JPH1: variants seen among roughly 807,000 people sequenced by gnomAD.
The protein encoded by JPH1 is junctophilin-1.
JPH1 carries 12 observed loss-of-function variants against 53.6 expected under a neutral mutation model. The ratio of observed to expected loss-of-function variants is 0.22; its 90% CI spans 0.14 to 0.36. JPH1 has a LOEUF of 0.36. Among genes scored for constraint, JPH1 ranks in the 10% least tolerant of loss-of-function variants. JPH1 has a pLI of 1.00. For missense variants in JPH1, 808 were observed against 905.5 expected, an observed-to-expected ratio of 0.89 and a Z score of 1.38; for synonymous variants, 375 against 363.8, an observed-to-expected ratio of 1.03 and a Z score of -0.35.
chr8:74,308,896 A>G (rs1807910523), intron 2 of JPH1, among the ~76,000 whole-genome samples: 1 of 152,182 alleles, frequency 6.6e-6, no homozygotes, highest in Admixed American at 6.5e-5. Flanking sequence ...AGTATGGGGG[A>G]GGAGGGGAGA....
At chr8:74,260,938 G>A (rs554866745) in intron 2 of JPH1, among the ~76,000 whole-genome samples, 2 of 152,242 alleles carry the variant, frequency 1.3e-5, no homozygotes, top group South Asian at 2.1e-4. Context: ...AGTGCAGAAC[G>A]CTACATTGGC....
intron 2 of JPH1, among the ~76,000 whole-genome samples, chr8:74,289,166 T>C (rs967634471): frequency 2.0e-5 from 3 of 152,220 alleles, no homozygotes; most frequent in African/African-American, 7.2e-5. Context: ...GGACGTTTTC[T>C]ATAGAAACCT....
At chr8:74,296,019 G>GAC (rs59881666) in intron 2 of JPH1, among the ~76,000 whole-genome samples, 1,872 of 136,586 alleles carry the variant, frequency 0.014, 60 homozygotes, top group East Asian at 0.05. Context: ...TCTCAGTAAG[G>GAC]ACACACACAC....
At chr8:74,241,085 C>T (rs1304520270) in intron 4 of JPH1, among the ~76,000 whole-genome samples, 1 of 152,084 alleles carries the variant, frequency 6.6e-6, no homozygotes, top group African/African-American at 2.4e-5. Context: ...CACACACACA[C>T]ATATTTCTCC....
chr8:74,315,848 T>G lies in JPH1; in HGVS notation c.380-228A>C, dbSNP rs2131466920. On this transcript the variant is annotated intron_variant, in intron 1 of 5. Coordinates refer to ENST00000342232, the MANE Select transcript of JPH1 (RefSeq NM_020647.4). This position sits in a 1 kb window ranked among gnomAD's most constrained non-coding sequence, Gnocchi z 6.3. The stretch of plus-strand genomic sequence containing the variant: ...TTCTAGTAGTCAGATAATTTTTGCT[T>G]TTCATTAAAATTTTATGCAAGTATT... Among the ~76,000 whole-genome samples the G allele has an allele frequency of 6.6e-6, 1 of 152,356 alleles. No homozygotes were observed. Among genetic ancestry groups the G allele is most frequent in the East Asian group, 1.9e-4 (1 of 5,190 alleles).
chr8:74,320,579 C>T lies in JPH1; in HGVS notation c.379+330G>A, dbSNP rs1437434237. Reference sequence around the variant, plus strand: ...ATGTGACGGGCTCAAGTGACAGCGTCCTCTCTCCAGCCCAACCCTCCCGGG... The same window carrying T: ...ATGTGACGGGCTCAAGTGACAGCGTTCTCTCTCCAGCCCAACCCTCCCGGG... On this transcript the variant is annotated intron_variant, in intron 1 of 5. Transcript: ENST00000342232. This position sits in a 1 kb window ranked among gnomAD's most constrained non-coding sequence, Gnocchi z 4.4. 6.6e-6 allele frequency among the ~76,000 whole-genome samples: 1 copy of T among 152,136 alleles called. No individual in the cohort carries two copies. Among genetic ancestry groups the T allele is most frequent in the Non-Finnish European group, 1.5e-5 (1 of 68,000 alleles).
In JPH1 at chr8:74,315,394, C is replaced by G; in HGVS notation, c.606G>C (p.Glu202Asp). ...GGCCGCCCTTCTTCTTGCCCGCTAG[C>G]TCAGCGTCTGCGTGGAAGTTGAGCA... ...GFVLNFHADA[E>D]LAGKKKGGLF... Residue 202 changes from glutamate (E) to aspartate (D), a missense_variant, in exon 2 of 6, where the codon GAG (glutamate) becomes GAC (aspartate). Physicochemically the swap from Glu to Asp is conservative, Grantham distance 45. This residue lies in a region of JPH1 where 756 missense variants were observed against 811.9 expected (regional missense o/e 0.93). Coordinates refer to ENST00000342232, the MANE Select transcript of JPH1 (RefSeq NM_020647.4). This position sits in a 1 kb window ranked among gnomAD's most constrained non-coding sequence, Gnocchi z 6.3. The G allele has an allele frequency of 6.2e-7, 1 of 1,612,590 alleles. No homozygotes were observed. Among genetic ancestry groups the G allele is most frequent in the Non-Finnish European group, 8.5e-7 (1 of 1,179,966 alleles).
At position 74,235,585 on chromosome 8, in the gene JPH1, A is replaced by C. The variant is rs955077110; in HGVS notation, c.*1466T>G. 2 of 152,594 alleles carry C rather than the reference A, an allele frequency of 1.3e-5. No individual in the cohort carries two copies. The highest frequency in any genetic ancestry group is 2.9e-5 in the Non-Finnish European group (2 of 68,028). The allele number at this position is 152,594 out of a possible 1,614,324, so 9.5% of individuals were successfully genotyped here. ...CCCTCTGCAATGTAATGTTTTATAA[A>C]GATTTAATAGATTAGATAGATATCT... On this transcript the variant is annotated 3_prime_UTR_variant, in exon 6 of 6. Transcript: ENST00000342232.
At chr8:74,280,692 A>G (rs1289321342) in intron 2 of JPH1, among the ~76,000 whole-genome samples, 4 of 152,202 alleles carry the variant, frequency 2.6e-5, no homozygotes, top group Admixed American at 6.5e-5. Flanking sequence ...TTAGAGTTAA[A>G]TTTAACATCA....
intron 2 of JPH1, among the ~76,000 whole-genome samples, chr8:74,307,388 A>G (rs1191318220): frequency 1.3e-5 from 2 of 152,266 alleles, no homozygotes; most frequent in East Asian, 1.9e-4. Context: ...CCTGTTCACC[A>G]TAACTTTTCT....
intron 2 of JPH1, among the ~76,000 whole-genome samples, chr8:74,302,716 G>C (rs943595739): frequency 6.6e-6 from 1 of 152,144 alleles, no homozygotes; most frequent in Non-Finnish European, 1.5e-5. Context: ...GGTCATAGGT[G>C]CCTCTCAGTG....
chr8:74,286,354 G>T (rs1471271259), intron 2 of JPH1, among the ~76,000 whole-genome samples: 2 of 152,114 alleles, frequency 1.3e-5, no homozygotes, highest in East Asian at 3.8e-4. Flanking sequence ...TGTATACATT[G>T]CATGATGATC....
intron 2 of JPH1, among the ~76,000 whole-genome samples, chr8:74,270,998 G>A (rs1477922492): frequency 1.3e-5 from 2 of 152,132 alleles, no homozygotes. Context: ...ATTCCTTAGT[G>A]ACAGATGCAA....
At chr8:74,271,925 A>G (rs1248326379) in intron 2 of JPH1, among the ~76,000 whole-genome samples, 1 of 152,194 alleles carries the variant, frequency 6.6e-6, no homozygotes, top group African/African-American at 2.4e-5. Context: ...GGAAAACGGC[A>G]TTTGTTCCAC....
intron 3 of JPH1, among the ~76,000 whole-genome samples, chr8:74,248,059 T>C (rs1805913183): frequency 6.6e-6 from 1 of 152,216 alleles, no homozygotes; most frequent in African/African-American, 2.4e-5. Context: ...TCTCAAATAC[T>C]GGTCTAATCA....
chr8:74,245,164 C>T lies in JPH1; in HGVS notation c.1270G>A (p.Val424Ile), dbSNP rs148006340. The T allele has an allele frequency of 2.3e-4, 364 of 1,572,266 alleles. No homozygotes were observed. The highest frequency in any genetic ancestry group is 5.2e-4 in the Middle Eastern group (3 of 5,802). The stretch of plus-strand genomic sequence containing the variant: ...ACACCTTCCTGAAATCTCTGTTTGA[C>T]GTAATCAGGGCCTGGCCAAAAAAAA... Reference protein sequence around the residue: ...PDFYQPGPDYVKQRFQEGVDA... With the variant: ...PDFYQPGPDYIKQRFQEGVDA... Residue 424 changes from valine to isoleucine, a missense_variant, in exon 4 of 6, where the codon GTC becomes ATC. Val to Ile is a conservative substitution (Grantham distance 29). Around this residue, in one of 2 missense-constraint regions of JPH1, gnomAD observed 756 missense variants for 811.9 expected, o/e 0.93. Coordinates refer to ENST00000342232, the MANE Select transcript of JPH1 (RefSeq NM_020647.4).
chr8:74,265,975 G>A (rs776868717), intron 2 of JPH1, among the ~76,000 whole-genome samples: 3 of 151,252 alleles, frequency 2.0e-5, no homozygotes, highest in Non-Finnish European at 2.9e-5. Flanking sequence ...AATAACAAGC[G>A]TTAGCAAGGA....
intron 1 of JPH1, among the ~76,000 whole-genome samples, chr8:74,319,600 A>G (rs576002272): frequency 1.1e-3 from 163 of 152,338 alleles, no homozygotes; most frequent in African/African-American, 3.7e-3. Flanking sequence ...AAGTTCTACC[A>G]TTCTGCCATT....
chr8:74,320,000 T>C (rs1359421381), intron 1 of JPH1, among the ~76,000 whole-genome samples: 1 of 152,222 alleles, frequency 6.6e-6, no homozygotes, highest in East Asian at 1.9e-4. Context: ...AATATTAAAA[T>C]AAGGTGATCT....
Sources: gnomAD v4.1 joint callset for allele counts (sites outside exome capture counted in the v4.1 genomes callset) on GRCh38, gnomAD v4.1.1 for gene constraint, gnomAD v4.1.1 regional missense constraint, Gnocchi (gnomAD v3.1) non-coding constraint, MANE v1.5 for transcripts, NCBI Gene and HGNC (gene_info 2026-07-23, HGNC 2026-07-21) for gene names.